DCC: variants seen among roughly 807,000 people sequenced by gnomAD.
DCC encodes the protein netrin receptor DCC.
In DCC, 58 loss-of-function variants were observed where a neutral mutation model predicts 172.5. The observed-to-expected ratio is 0.34, with a 90% CI of 0.27 to 0.42. The LOEUF is 0.42. DCC is among the 10% of genes least tolerant of loss of function. DCC has a pLI of 1.00. For missense variants in DCC, 1,740 were observed against 1,791.0 expected (o/e 0.97, Z 0.51); for synonymous variants, 709 against 644.5 (o/e 1.10, Z -1.52).
intron 1 of DCC, among the ~76,000 whole-genome samples, chr18:52,558,508 A>G (rs1200922276): frequency 6.6e-6 from 1 of 152,144 alleles, no homozygotes; most frequent in African/African-American, 2.4e-5. Context: ...TGAGATGAAC[A>G]TATTCCTCTC....
At chr18:52,632,304 TTG>T (rs2034692317) in intron 1 of DCC, among the ~76,000 whole-genome samples, 14 of 152,182 alleles carry the variant, frequency 9.2e-5, no homozygotes, top group Middle Eastern at 3.2e-3. Flanking sequence ...TTTTTGCTCA[TTG>T]TTCTATCCTC....
intron 5 of DCC, among the ~76,000 whole-genome samples, chr18:52,997,457 A>T (rs1251316848): frequency 1.3e-5 from 2 of 152,120 alleles, no homozygotes; most frequent in Non-Finnish European, 2.9e-5. Context: ...AGACACATAA[A>T]AACCTAAGTC....
chr18:53,526,591 T>G, intron 27 of DCC, 26 bp from the exon 28 acceptor site: 1 of 1,612,344 alleles, frequency 6.2e-7, no homozygotes, highest in Non-Finnish European at 8.5e-7. Flanking sequence ...TCTACATTAC[T>G]TTCATCACTG....
At chr18:53,085,691 A>G (rs1006387700) in intron 7 of DCC, among the ~76,000 whole-genome samples, 2 of 151,988 alleles carry the variant, frequency 1.3e-5, no homozygotes, top group Admixed American at 1.3e-4. Context: ...AGGAATATAA[A>G]GCTAACTTCT....
chr18:53,211,742 A>AT (rs1169000922), intron 11 of DCC, among the ~76,000 whole-genome samples: 1 of 151,924 alleles, frequency 6.6e-6, no homozygotes, highest in Non-Finnish European at 1.5e-5. Flanking sequence ...AATAAAATAA[A>AT]ATAAATATAA....
At chr18:52,533,697 G>A (rs1188768968) in intron 1 of DCC, among the ~76,000 whole-genome samples, 2 of 152,020 alleles carry the variant, frequency 1.3e-5, no homozygotes, top group African/African-American at 4.8e-5. Context: ...GCTACTGTGA[G>A]CATTTCCATA....
intron 5 of DCC, among the ~76,000 whole-genome samples, chr18:52,986,980 C>T (rs2041306996): frequency 6.6e-6 from 1 of 152,044 alleles, no homozygotes. Flanking sequence ...ACACCACTAA[C>T]ACCTGGCTAT....
chr18:53,352,329 T>A (rs900058015), intron 15 of DCC, among the ~76,000 whole-genome samples: 4 of 152,134 alleles, frequency 2.6e-5, no homozygotes, highest in Non-Finnish European at 5.9e-5. Context: ...GAAAAGCAAA[T>A]GCTGTATCTG....
chr18:52,576,820 C>G (rs1328426552), intron 1 of DCC, among the ~76,000 whole-genome samples: 3 of 134,742 alleles, frequency 2.2e-5, no homozygotes, highest in East Asian at 4.0e-4. Context: ...ACAGAGCAAG[C>G]CTCCATCTCA....
chr18:52,448,551 A>C (rs549864375), intron 1 of DCC, among the ~76,000 whole-genome samples: 1 of 152,314 alleles, frequency 6.6e-6, no homozygotes, highest in African/African-American at 2.4e-5. Flanking sequence ...TGAGACGAGA[A>C]GTTTTCTAAG....
At chr18:53,308,201 C>CTA (rs915826641) in intron 13 of DCC, among the ~76,000 whole-genome samples, 5 of 151,296 alleles carry the variant, frequency 3.3e-5, no homozygotes, top group Non-Finnish European at 5.9e-5. Flanking sequence ...TCTTGGAATA[C>CTA]TATATGTCTA....
chr18:53,258,579 G>A (rs1675884898), intron 12 of DCC, among the ~76,000 whole-genome samples: 2 of 152,138 alleles, frequency 1.3e-5, no homozygotes, highest in African/African-American at 4.8e-5. Flanking sequence ...CTGAGAGACA[G>A]TTTGTTATAA....
At chr18:52,607,283 A>G (rs2034152565) in intron 1 of DCC, among the ~76,000 whole-genome samples, 1 of 152,118 alleles carries the variant, frequency 6.6e-6, no homozygotes, top group African/African-American at 2.4e-5. Flanking sequence ...GCCATTAATC[A>G]GGATTTTTCA....
intron 1 of DCC, among the ~76,000 whole-genome samples, chr18:52,403,820 C>A (rs1986532168): frequency 6.6e-6 from 1 of 152,028 alleles, no homozygotes; most frequent in African/African-American, 2.4e-5. Flanking sequence ...CACTTGATGC[C>A]AGCCCTAGTG....
At chr18:52,810,715 A>G (rs913737818) in intron 2 of DCC, among the ~76,000 whole-genome samples, 1 of 152,214 alleles carries the variant, frequency 6.6e-6, no homozygotes, top group African/African-American at 2.4e-5. Context: ...AAAACCAATT[A>G]GGAAAGGGTA....
chr18:52,904,277 G>A (rs775484118), intron 2 of DCC, among the ~76,000 whole-genome samples: 4 of 152,308 alleles, frequency 2.6e-5, no homozygotes, highest in Non-Finnish European at 5.9e-5. Context: ...TTCTGTGGAT[G>A]TAGCTATAAT....
intron 2 of DCC, among the ~76,000 whole-genome samples, chr18:52,860,550 C>T (rs2039124959): frequency 6.6e-6 from 1 of 152,194 alleles, no homozygotes; most frequent in African/African-American, 2.4e-5. Flanking sequence ...TCTTTTGAAA[C>T]ATAATTTCTC....
chr18:52,788,847 C>T (rs956062057), intron 2 of DCC, among the ~76,000 whole-genome samples: 1 of 152,054 alleles, frequency 6.6e-6, no homozygotes, highest in African/African-American at 2.4e-5. Flanking sequence ...ATTTTGGATC[C>T]CCAAAAGGAG....
At chr18:52,899,882 A>G (rs1226787696) in intron 2 of DCC, among the ~76,000 whole-genome samples, 1 of 152,160 alleles carries the variant, frequency 6.6e-6, no homozygotes, top group Non-Finnish European at 1.5e-5. Context: ...ATTTGCTTAA[A>G]CTGATTATCT....
Sources: allele counts gnomAD v4.1 joint callset (sites outside exome capture counted in the v4.1 genomes callset), GRCh38; gene constraint gnomAD v4.1.1; transcripts MANE v1.5; gene names NCBI Gene and HGNC (gene_info 2026-07-23, HGNC 2026-07-21).